The following PARVB variants were observed in gnomAD, a reference collection of about 807,000 sequenced individuals.
PARVB encodes beta-parvin.
A neutral mutation model predicts 47.0 loss-of-function variants in PARVB; 46 were observed. The ratio of observed to expected loss-of-function variants is 0.98; its 90% CI spans 0.77 to 1.25. The LOEUF (loss-of-function observed/expected upper bound fraction) is 1.25. Ranked by LOEUF, PARVB falls within the 50% of genes most tolerant of loss-of-function variation. The probability of loss-of-function intolerance (pLI) is 0.00; values close to 1 mark genes in which losing one functional copy is unlikely to be tolerated. For missense variants in PARVB, 473 were observed against 471.6 expected (o/e 1.00, Z -0.03); for synonymous variants, 196 against 196.3 (o/e 1.00, Z 0.01).
intron 1 of PARVB, among the ~76,000 whole-genome samples, chr22:44,078,880 A>G (rs1234919786): frequency 6.6e-6 from 1 of 152,100 alleles, no homozygotes; most frequent in Non-Finnish European, 1.5e-5. Context: ...GCAGACCACC[A>G]AGTGCAGCTA....
chr22:44,022,589 G>A (rs922023959), upstream of PARVB, among the ~76,000 whole-genome samples: 2 of 152,000 alleles, frequency 1.3e-5, no homozygotes, highest in African/African-American at 2.4e-5. Context: ...GGGGGACTGG[G>A]GGGCAGCCAG....
chr22:44,026,650 CTT>C (rs1460007849), intron 1 of PARVB, among the ~76,000 whole-genome samples: 5 of 152,228 alleles, frequency 3.3e-5, no homozygotes, highest in African/African-American at 1.2e-4. Flanking sequence ...CTGGCCCTGA[CTT>C]TGGGCCGTCA....
At chr22:44,124,714 G>C (rs1179652217) in intron 4 of PARVB, among the ~76,000 whole-genome samples, 1 of 151,710 alleles carries the variant, frequency 6.6e-6, no homozygotes, top group Non-Finnish European at 1.5e-5. Flanking sequence ...GCCCCATCCT[G>C]GTGGAAGGGT....
intron 1 of PARVB, among the ~76,000 whole-genome samples, chr22:44,056,186 TTTGGGGCACAGCCCCATTTAC>T (rs1346319938): frequency 6.6e-6 from 1 of 152,244 alleles, no homozygotes; most frequent in Non-Finnish European, 1.5e-5. Context: ...GTAGCCTAGC[TTTGGGGCACAGCCCCATTTAC>T]TTGGGGCACC....
intron 1 of PARVB, among the ~76,000 whole-genome samples, chr22:44,061,352 AC>A: frequency 6.9e-6 from 1 of 144,176 alleles, no homozygotes. Flanking sequence ...AATTGCTTGA[AC>A]CCAGGAGGCA....
intron 1 of PARVB, among the ~76,000 whole-genome samples, chr22:44,027,914 CAT>C (rs3083338): frequency 0.29 from 38,252 of 133,022 alleles, 5,253 homozygotes; most frequent in Middle Eastern, 0.35. Flanking sequence ...AAAAAAAAAC[CAT>C]ATATATATAT....
intron 11 of PARVB, among the ~76,000 whole-genome samples, chr22:44,159,730 G>C (rs139073): frequency 6.6e-6 from 1 of 151,908 alleles, no homozygotes; most frequent in East Asian, 1.9e-4. Flanking sequence ...TGTAGTCTTC[G>C]TGAATCCTGG....
intron 1 of PARVB, among the ~76,000 whole-genome samples, chr22:44,090,814 GCCAGCCAGGACATGGAACTT>G (rs1482043383): frequency 6.6e-6 from 1 of 152,232 alleles, no homozygotes; most frequent in Non-Finnish European, 1.5e-5. Context: ...CTCCTATGAT[GCCAGCCAGGACATGGAACTT>G]CCACCCCGAC....
In PARVB at chr22:44,056,707, TGTTGCCCAGG is replaced by T. The variant is rs564834781; in HGVS notation, c.112+32259_112+32268del. 5.1e-3 allele frequency among the ~76,000 whole-genome samples: 780 copies of T among 151,808 alleles called. 4 individuals are homozygous for T. Among genetic ancestry groups the T allele is most frequent in the Non-Finnish European group, 6.7e-3 (458 of 67,922 alleles). ...TATTTGTTGAGATGGGGTTTCACTA[TGTTGCCCAGG>T]GTGGCCTCGAACCCCTGGGCTCAAG... On this transcript the variant is annotated intron_variant, in intron 1 of 12. Transcript: ENST00000338758.
chr22:44,052,844 G>A (rs1431225965), intron 1 of PARVB, among the ~76,000 whole-genome samples: 1 of 152,174 alleles, frequency 6.6e-6, no homozygotes. Context: ...TTGGGAGGCT[G>A]AGGTGGGAAG....
rs1177665317 is a variant in PARVB at position 44,089,549 on chromosome 22, T to A, written c.113-4379T>A. The A allele has an allele frequency of 6.8e-6, 1 of 147,234 alleles. No individual in the cohort carries two copies. The highest frequency in any genetic ancestry group is 2.5e-5 in the African/African-American group (1 of 39,870). 9.1% of individuals were successfully genotyped at this position (147,234 alleles called of 1,614,324 possible). A position where few individuals can be genotyped will look rare whatever the true frequency, so the allele number is the denominator to read the frequency against. On this transcript the variant is annotated intron_variant, in intron 1 of 12. Coordinates refer to ENST00000338758, the MANE Select transcript of PARVB (RefSeq NM_013327.5). The surrounding 1 kb of genome is among the most constrained non-coding windows in gnomAD (Gnocchi z 4.0). ...TTTGTCTTTCTGGCAAGTAGACCGGTACTTTAAAAACCAAAACATTCCTGG... is the reference window on the plus strand; with the variant it reads ...TTTGTCTTTCTGGCAAGTAGACCGGAACTTTAAAAACCAAAACATTCCTGG...
chr22:44,116,529 G>A (rs1189301804), intron 3 of PARVB, among the ~76,000 whole-genome samples: 5 of 152,224 alleles, frequency 3.3e-5, no homozygotes, highest in East Asian at 3.8e-4. Context: ...CCGCAGTGGT[G>A]CCTAGTAAGT....
intron 1 of PARVB, among the ~76,000 whole-genome samples, chr22:44,073,441 C>A (rs118171597): frequency 0.01 from 1,590 of 152,270 alleles, 15 homozygotes; most frequent in African/African-American, 0.025. Context: ...TTGCGGTGAG[C>A]GGAGGTCGCG....
Position 44,130,122 on chromosome 22 carries a change from C to A in PARVB, c.377-1365C>A, listed in dbSNP as rs543006139. ...CTGGGAACCACTTGCAAAACAGAAA[C>A]CCCATTTGTGACTGGCCTGGACTTG... On this transcript the variant is annotated intron_variant, in intron 4 of 12. Coordinates refer to ENST00000338758, the MANE Select transcript of PARVB (RefSeq NM_013327.5). 5.7e-3 allele frequency among the ~76,000 whole-genome samples: 873 copies of A among 152,336 alleles called. 3 individuals carry two copies. Among genetic ancestry groups the A allele is most frequent in the Admixed American group, 9.8e-3 (150 of 15,302 alleles).
intron 8 of PARVB, chr22:44,140,452 A>G: frequency 4.4e-6 from 3 of 683,434 alleles, no homozygotes; most frequent in South Asian, 1.4e-5. Flanking sequence ...CTGGAGCAAG[A>G]GTGGTTGAGG....
chr22:44,112,216 A>G (rs2052715683), intron 3 of PARVB: 1 of 152,286 alleles, frequency 6.6e-6, no homozygotes, highest in South Asian at 2.1e-4. Flanking sequence ...GGTGGCGCAT[A>G]GATGCAGCGG....
chr22:44,056,236 C>A (rs2051309344), intron 1 of PARVB, among the ~76,000 whole-genome samples: 1 of 152,228 alleles, frequency 6.6e-6, no homozygotes, highest in Non-Finnish European at 1.5e-5. Context: ...TGCTGTGTGG[C>A]CGTGTGGGAT....
chr22:44,166,214 ACT>A (rs2054164187), intron 12 of PARVB, among the ~76,000 whole-genome samples: 1 of 151,564 alleles, frequency 6.6e-6, no homozygotes, highest in Non-Finnish European at 1.5e-5. Flanking sequence ...GGTTCAAGCA[ACT>A]CTCTTGCCTC....
upstream of PARVB, among the ~76,000 whole-genome samples, chr22:44,019,753 G>A (rs1311291810): frequency 1.3e-5 from 2 of 152,176 alleles, no homozygotes; most frequent in East Asian, 3.9e-4. Flanking sequence ...TTACTATGAG[G>A]ATGGCACAAA....
Sources: allele counts gnomAD v4.1 joint callset (sites outside exome capture counted in the v4.1 genomes callset), GRCh38; gene constraint gnomAD v4.1.1; non-coding constraint Gnocchi (gnomAD v3.1); transcripts MANE v1.5; gene names NCBI Gene and HGNC (gene_info 2026-07-23, HGNC 2026-07-21).